Variants in HRH1 observed in about 807,000 individuals in gnomAD.
The protein encoded by HRH1 is histamine H1 receptor.
In HRH1, 6 loss-of-function variants were observed where a neutral mutation model predicts 10.3. The ratio of observed to expected loss-of-function variants is 0.58; its 90% CI spans 0.32 to 1.15. The LOEUF is 1.15. Ranked by LOEUF, HRH1 falls within the 50% of genes most tolerant of loss-of-function variation. The pLI is 0.05. For synonymous variants in HRH1, 242 were observed against 236.7 expected, an observed-to-expected ratio of 1.02 and a Z score of -0.21; for missense variants, 514 against 615.3, an observed-to-expected ratio of 0.84 and a Z score of 1.74.
chr3:11,205,666 C>CTT (rs1334327486), intron 1 of HRH1, among the ~76,000 whole-genome samples: 195 of 141,428 alleles, frequency 1.4e-3, no homozygotes, highest in African/African-American at 4.8e-3. Context: ...CACAGGTTTT[C>CTT]TTTTTTTTTT....
intron 1 of HRH1, among the ~76,000 whole-genome samples, chr3:11,155,482 A>T (rs555030756): frequency 3.3e-5 from 5 of 152,142 alleles, no homozygotes; most frequent in East Asian, 3.9e-4. Context: ...CCCAGCCCCC[A>T]GTCCTCCATG....
intron 1 of HRH1, among the ~76,000 whole-genome samples, chr3:11,197,691 C>A (rs772966929): frequency 6.6e-6 from 1 of 152,088 alleles, no homozygotes; most frequent in Admixed American, 6.6e-5. Flanking sequence ...TGTAAACATG[C>A]CTTTTAAAGA....
At chr3:11,244,316 A>G (rs938500824) in intron 1 of HRH1, among the ~76,000 whole-genome samples, 10 of 152,234 alleles carry the variant, frequency 6.6e-5, no homozygotes, top group Non-Finnish European at 1.2e-4. Context: ...ATTTAGTCAC[A>G]TGGTCACACC....
chr3:11,167,364 G>A (rs1342144611), intron 1 of HRH1, among the ~76,000 whole-genome samples: 1 of 55,190 alleles, frequency 1.8e-5, no homozygotes, highest in Non-Finnish European at 3.5e-5. Context: ...CTCCAGGCCC[G>A]TGACATCTGC....
intron 1 of HRH1, among the ~76,000 whole-genome samples, chr3:11,175,750 A>G (rs1336166583): frequency 1.3e-5 from 2 of 152,262 alleles, no homozygotes; most frequent in Non-Finnish European, 2.9e-5. Context: ...AGATGGATAC[A>G]CACATATGTC....
intron 1 of HRH1, among the ~76,000 whole-genome samples, chr3:11,257,264 A>T (rs2152589269): frequency 6.8e-6 from 1 of 147,834 alleles, no homozygotes; most frequent in South Asian, 2.1e-4. Flanking sequence ...AAAAAAAAAA[A>T]AAAAAAAATG....
intron 1 of HRH1, among the ~76,000 whole-genome samples, chr3:11,147,690 C>T (rs764754553): frequency 2.0e-5 from 3 of 152,138 alleles, no homozygotes; most frequent in Non-Finnish European, 4.4e-5. Context: ...TGTATTAACT[C>T]GTAAGATCCT....
chr3:11,173,987 G>T (rs1937203483), intron 1 of HRH1, among the ~76,000 whole-genome samples: 1 of 152,198 alleles, frequency 6.6e-6, no homozygotes, highest in African/African-American at 2.4e-5. Context: ...TAGGGGTGAG[G>T]AGTAGGGCTT....
intron 1 of HRH1, among the ~76,000 whole-genome samples, chr3:11,195,500 A>C (rs908574503): frequency 2.0e-5 from 3 of 152,166 alleles, no homozygotes; most frequent in Non-Finnish European, 4.4e-5. Context: ...CAGCGTACAG[A>C]GTGGGAATGA....
intron 1 of HRH1, among the ~76,000 whole-genome samples, chr3:11,220,895 ACAGT>A (rs1223001631): frequency 1.3e-5 from 2 of 152,208 alleles, no homozygotes; most frequent in Non-Finnish European, 2.9e-5. Context: ...AATCACAGAG[ACAGT>A]CAGTTTTATT....
chr3:11,174,598 A>G (rs887333969), intron 1 of HRH1, among the ~76,000 whole-genome samples: 1 of 152,264 alleles, frequency 6.6e-6, no homozygotes, highest in Non-Finnish European at 1.5e-5. Flanking sequence ...AATGATGATT[A>G]GAAAAAAACA....
At chr3:11,142,420 G>A (rs1472867452) in intron 1 of HRH1, among the ~76,000 whole-genome samples, 1 of 152,216 alleles carries the variant, frequency 6.6e-6, no homozygotes, top group Non-Finnish European at 1.5e-5. Context: ...TGCTCTAAGT[G>A]CTGGGGGTAC....
intron 1 of HRH1, among the ~76,000 whole-genome samples, chr3:11,200,881 C>G (rs995959082): frequency 6.6e-6 from 1 of 152,138 alleles, no homozygotes; most frequent in East Asian, 1.9e-4. Flanking sequence ...GACTTAATAT[C>G]ATTTTATAGT....
chr3:11,154,831 G>T lies in HRH1; in HGVS notation c.-36+277G>T, dbSNP rs546893812. On this transcript the variant is annotated intron_variant, in intron 1 of 1. Coordinates refer to ENST00000431010, the MANE Select transcript of HRH1 (RefSeq NM_001098212.2). This position sits in a 1 kb window ranked among gnomAD's most constrained non-coding sequence, Gnocchi z 4.4. ...TTTAGCTTCCCCGGGCTTGGGCAGGGTGCGCGCCCTGAGCGTCCGTCTTTG... is the reference window on the plus strand; with the variant it reads ...TTTAGCTTCCCCGGGCTTGGGCAGGTTGCGCGCCCTGAGCGTCCGTCTTTG... Among the ~76,000 whole-genome samples, 1 of 152,174 alleles carries T rather than the reference G, an allele frequency of 6.6e-6. No individual in the cohort carries two copies. The highest frequency in any genetic ancestry group is 2.4e-5 in the African/African-American group (1 of 41,460).
Position 11,154,756 on chromosome 3 carries a change from C to T in HRH1, c.-36+202C>T, listed in dbSNP as rs1399147458. ...TGGCGGAGGGCGGCTCGCTCGGTGG[C>T]ACCGCTCCCCTCTCCACACTGTGGC... On this transcript the variant is annotated intron_variant, in intron 1 of 1. Coordinates refer to ENST00000431010, the MANE Select transcript of HRH1 (RefSeq NM_001098212.2). The surrounding 1 kb of genome is among the most constrained non-coding windows in gnomAD (Gnocchi z 4.4). Among the ~76,000 whole-genome samples, 1 of 152,088 alleles carries T rather than the reference C, an allele frequency of 6.6e-6. No individual in the cohort carries two copies. Among genetic ancestry groups the T allele is most frequent in the African/African-American group, 2.4e-5 (1 of 41,440 alleles).
intron 1 of HRH1, among the ~76,000 whole-genome samples, chr3:11,143,396 C>A (rs774881998): frequency 6.6e-6 from 1 of 152,152 alleles, no homozygotes; most frequent in Non-Finnish European, 1.5e-5. Context: ...AGGGACATTA[C>A]CACGCTGTAT....
At chr3:11,200,941 A>G (rs1466967213) in intron 1 of HRH1, among the ~76,000 whole-genome samples, 1 of 152,218 alleles carries the variant, frequency 6.6e-6, no homozygotes, top group Non-Finnish European at 1.5e-5. Flanking sequence ...GATTAGACAT[A>G]TCCCCTTCCA....
chr3:11,193,609 A>G (rs140122900), intron 1 of HRH1, among the ~76,000 whole-genome samples: 35 of 152,022 alleles, frequency 2.3e-4, no homozygotes, highest in Non-Finnish European at 4.9e-4. Flanking sequence ...AGGCTGCTAT[A>G]ACGAAATGTC....
At chr3:11,234,250 T>A in intron 1 of HRH1, 1 of 1,534,148 alleles carries the variant, frequency 6.5e-7, no homozygotes, top group Non-Finnish European at 8.9e-7. Flanking sequence ...CTTGTGGCCT[T>A]CATTAACTTG....
Sources: allele counts gnomAD v4.1 joint callset (sites outside exome capture counted in the v4.1 genomes callset), GRCh38; gene constraint gnomAD v4.1.1; non-coding constraint Gnocchi (gnomAD v3.1); transcripts MANE v1.5; gene names NCBI Gene and HGNC (gene_info 2026-07-23, HGNC 2026-07-21).